The following PUS7L variants were observed in gnomAD, a reference collection of about 807,000 sequenced individuals.
PUS7L encodes pseudouridine synthase 7 like.
PUS7L carries 49 observed loss-of-function variants against 51.1 expected under a neutral mutation model. The ratio of observed to expected loss-of-function variants is 0.96; its 90% CI spans 0.76 to 1.22. PUS7L has a LOEUF of 1.22. Ranked by LOEUF, PUS7L falls within the 50% of genes most tolerant of loss-of-function variation. PUS7L has a pLI of 0.00. For missense variants in PUS7L, 828 were observed against 820.6 expected, an observed-to-expected ratio of 1.01 and a Z score of -0.11; for synonymous variants, 277 against 276.2, an observed-to-expected ratio of 1.00 and a Z score of -0.03.
Position 43,758,150 on chromosome 12 carries a change from A to T in PUS7L, c.-17+580T>A, listed in dbSNP as rs184730959. 710 of 224,740 alleles carry T rather than the reference A, an allele frequency of 3.2e-3. 9 individuals are homozygous for T. Among genetic ancestry groups the T allele is most frequent in the African/African-American group, 0.015 (657 of 42,874 alleles). 13.9% of individuals were successfully genotyped at this position (224,740 alleles called of 1,614,324 possible). A position where few individuals can be genotyped will look rare whatever the true frequency, so the allele number is the denominator to read the frequency against. ...CATGGTCAAGAACATAGCTGTAGGG[A>T]TTGGCCCTGAAAGAATAATGATCTT... On this transcript the variant is annotated intron_variant, in intron 1 of 8. Transcript: ENST00000344862.
In PUS7L at chr12:43,725,457, C is replaced by T. The variant is rs1268854205; in HGVS notation, c.*4919G>A. ...TTTTTTTTTTTTTGAGGTGGAGCCT[C>T]GCTCTGTCACCTAGGCTGGGCAATC... On this transcript the variant is annotated 3_prime_UTR_variant, in exon 9 of 9. Transcript: ENST00000344862. 6.7e-6 allele frequency: 1 copy of T among 149,964 alleles called. No homozygotes were observed. Among genetic ancestry groups the T allele is most frequent in the South Asian group, 2.1e-4 (1 of 4,772 alleles). 9.3% of individuals were successfully genotyped at this position (149,964 alleles called of 1,614,324 possible). A position where few individuals can be genotyped will look rare whatever the true frequency, so the allele number is the denominator to read the frequency against.
At chr12:43,755,302 G>A (rs754110649) in intron 1 of PUS7L, 41 bp from the exon 2 acceptor site, 7 of 1,268,988 alleles carry the variant, frequency 5.5e-6, no homozygotes, top group African/African-American at 1.5e-5. Context: ...AACAGAAAGA[G>A]AAGTTATGGA....
intron 1 of PUS7L, among the ~76,000 whole-genome samples, chr12:43,757,580 G>A (rs548063892): frequency 2.8e-4 from 42 of 152,136 alleles, no homozygotes; most frequent in Non-Finnish European, 4.6e-4. Flanking sequence ...TTAGTTCCAC[G>A]TGAGGAGTAA....
intron 1 of PUS7L, among the ~76,000 whole-genome samples, chr12:43,757,961 G>A (rs1938898145): frequency 6.6e-6 from 1 of 152,174 alleles, no homozygotes; most frequent in Non-Finnish European, 1.5e-5. Flanking sequence ...CCCTGACAAG[G>A]ACTTAGAATC....
At chr12:43,738,159 A>G (rs1937700673) in intron 6 of PUS7L, 151 bp downstream of exon 6, 2 of 565,248 alleles carry the variant, frequency 3.5e-6, no homozygotes, top group African/African-American at 2.0e-5. Flanking sequence ...GTGAGTGCCT[A>G]AGTCATGTAA....
chr12:43,754,211 C>A, intron 2 of PUS7L, 125 bp downstream of exon 2: 3 of 578,296 alleles, frequency 5.2e-6, no homozygotes, highest in Non-Finnish European at 5.8e-6. Flanking sequence ...ATCAGCAATT[C>A]CTCTCCCTAA....
At chr12:43,736,738 C>T in intron 6 of PUS7L, 77 bp from the exon 7 acceptor site, 3 of 1,301,126 alleles carry the variant, frequency 2.3e-6, no homozygotes, top group Non-Finnish European at 3.2e-6. Context: ...GTTCTAATCT[C>T]AAACTGAGGC....
chr12:43,736,814 T>TC, intron 6 of PUS7L, 153 bp from the exon 7 acceptor site: 1 of 595,472 alleles, frequency 1.7e-6, no homozygotes, highest in South Asian at 3.0e-5. Context: ...TTGAAGAGCT[T>TC]TAAAAAAAAT....
At chr12:43,734,417 G>C (rs11832281) in intron 7 of PUS7L, among the ~76,000 whole-genome samples, 4,122 of 152,198 alleles carry the variant, frequency 0.027, 85 homozygotes, top group South Asian at 0.071. Context: ...ATACAGCTGC[G>C]CCTGAATCAA....
At position 43,748,598 on chromosome 12, in the gene PUS7L, G is replaced by A. The variant is rs141745509; in HGVS notation, c.922C>T (p.Arg308Ter). ...TCAAACATTTCCAGGTTTTCCTTTCGTAGGGTAAAAGCTGAAACAAAAAAA... is the reference window on the plus strand; with the variant it reads ...TCAAACATTTCCAGGTTTTCCTTTCATAGGGTAAAAGCTGAAACAAAAAAA... ...GKVIYTAFTL[R>*]KENLEMFEAI... Residue 308 changes from arginine to a stop codon, truncating the protein, a stop_gained, in exon 3 of 9, where the codon CGA becomes TGA. Coordinates refer to ENST00000344862, the MANE Select transcript of PUS7L (RefSeq NM_031292.5). LOFTEE classifies it high-confidence loss of function. 1.9e-4 allele frequency: 297 copies of A among 1,583,334 alleles called. 1 individual carries two copies. The African/African-American group carries it at 3.0e-3, about 16-fold the overall frequency.
rs1440234552 is a variant in PUS7L, at chr12:43,727,868, AACTTT to A, written c.*2503_*2507del. ...GGAAGAAAAAATAAAAATAAAGCAA[AACTTT>A]GGAAATGGGGCTATAGAAGGTCAGC... On this transcript the variant is annotated 3_prime_UTR_variant, in exon 9 of 9. Coordinates refer to ENST00000344862, the MANE Select transcript of PUS7L (RefSeq NM_031292.5). 3 of 152,130 alleles carry A rather than the reference AACTTT, an allele frequency of 2.0e-5. No individual in the cohort carries two copies. The highest frequency in any genetic ancestry group is 7.2e-5 in the African/African-American group (3 of 41,412). The allele number at this position is 152,130 out of a possible 1,614,324, so 9.4% of individuals were successfully genotyped here.
rs1342573092 is a variant in PUS7L at position 43,727,387 on chromosome 12, A to G, written c.*2989T>C. 2.0e-5 allele frequency: 3 copies of G among 152,216 alleles called. No individual in the cohort carries two copies. The highest frequency in any genetic ancestry group is 4.4e-5 in the Non-Finnish European group (3 of 68,040). The allele number at this position is 152,216 out of a possible 1,614,324, so 9.4% of individuals were successfully genotyped here. A position where few individuals can be genotyped will look rare whatever the true frequency, so the allele number is the denominator to read the frequency against. ...TCTACCATAAAGACCATGCACGCCT[A>G]TGTTCATTACAGCACTATTGACAAT... On this transcript the variant is annotated 3_prime_UTR_variant, in exon 9 of 9. Coordinates refer to ENST00000344862, the MANE Select transcript of PUS7L (RefSeq NM_031292.5).
chr12:43,719,514 T>C lies in PUS7L; in HGVS notation c.*10862A>G, dbSNP rs1199532819. 1 of 152,146 alleles carries C rather than the reference T, an allele frequency of 6.6e-6. No individual in the cohort carries two copies. Among genetic ancestry groups the C allele is most frequent in the Non-Finnish European group, 1.5e-5 (1 of 68,000 alleles). The allele number at this position is 152,146 out of a possible 1,614,324, so 9.4% of individuals were successfully genotyped here. On this transcript the variant is annotated 3_prime_UTR_variant, in exon 9 of 9. Transcript: ENST00000344862. ...CAGGTGGGGGGACTCTTCTTTATTT[T>C]TTCTAATCTCAGGAAAGTTTGTGTA... is the stretch of plus-strand genomic sequence containing the variant.
Position 43,730,552 on chromosome 12 carries a change from T to C in PUS7L, c.1930A>G (p.Ile644Val). The C allele has an allele frequency of 6.2e-7, 1 of 1,613,914 alleles. No homozygotes were observed. The highest frequency in any genetic ancestry group is 8.5e-7 in the Non-Finnish European group (1 of 1,179,874). Residue 644 changes from isoleucine to valine, a missense_variant, in exon 9 of 9, where the codon ATT becomes GTT. Coordinates refer to ENST00000344862, the MANE Select transcript of PUS7L (RefSeq NM_031292.5). ...GAGAGATTACAGGGATGTTTCAAAA[T>C]CTGTCTATAGCAACCTGGTATATTC... ...KLNIPGCYRQILKHPCNLSYQ... is the reference protein window; with the variant it reads ...KLNIPGCYRQVLKHPCNLSYQ...
At chr12:43,753,700 C>G (rs1336135256) in intron 2 of PUS7L, among the ~76,000 whole-genome samples, 1 of 152,136 alleles carries the variant, frequency 6.6e-6, no homozygotes, top group African/African-American at 2.4e-5. Flanking sequence ...AACAGTGATT[C>G]TCAAAACATA....
chr12:43,730,813 A>G (rs1399373341), intron 8 of PUS7L, 111 bp from the exon 9 acceptor site: 1 of 669,198 alleles, frequency 1.5e-6, no homozygotes, highest in Non-Finnish European at 2.5e-6. Context: ...ATAGTCTCAG[A>G]ATATAAACAC....
chr12:43,754,400 T>C lies in PUS7L; in HGVS notation c.846A>G (p.Glu282=). 1.9e-6 allele frequency: 3 copies of C among 1,612,300 alleles called. No individual in the cohort carries two copies. The highest frequency in any genetic ancestry group is 2.5e-6 in the Non-Finnish European group (3 of 1,179,400). The stretch of plus-strand genomic sequence containing the variant: ...GCCTTTTCCCACGTTTGTGTGCTTT[T>C]TCCCGAAATCTTACTGTTACCACCA... ...PNVVVTVRFR[E]KAHKRGKRPL... Residue 282 remains glutamate, a synonymous_variant, in exon 2 of 9, where the codon GAA becomes GAG. Transcript: ENST00000344862.
In PUS7L at chr12:43,730,437, T is replaced by A. The variant is rs1339713209; in HGVS notation, c.2045A>T (p.Asp682Val). 1.9e-6 allele frequency: 3 copies of A among 1,613,722 alleles called. No homozygotes were observed. The highest frequency in any genetic ancestry group is 2.5e-6 in the Non-Finnish European group (3 of 1,179,804). The stretch of plus-strand genomic sequence containing the variant: ...GGTAGCATAGCATGAAGCATCAAGA[T>A]CAAAAGAGATCAAAAGAGACAAAGC... ...ETALSLLISF[D>V]LDASCYATVC... is the part of the protein sequence containing the mutation. The change falls in exon 9 of 9, where the codon GAT becomes GTT. Residue 682 changes from aspartate to valine, a missense_variant. By Grantham distance (152) the Asp-to-Val change is radical. Coordinates refer to ENST00000344862, the MANE Select transcript of PUS7L (RefSeq NM_031292.5).
intron 8 of PUS7L, among the ~76,000 whole-genome samples, chr12:43,731,286 C>T (rs895577816): frequency 6.6e-6 from 1 of 152,122 alleles, no homozygotes; most frequent in African/African-American, 2.4e-5. Context: ...TTCAAATATA[C>T]ACAATATGAA....
Sources: gnomAD v4.1 joint callset for allele counts (sites outside exome capture counted in the v4.1 genomes callset) on GRCh38, gnomAD v4.1.1 for gene constraint, MANE v1.5 for transcripts, NCBI Gene and HGNC (gene_info 2026-07-23, HGNC 2026-07-21) for gene names.